Variants in IRF6 observed in about 807,000 individuals in gnomAD.
The protein encoded by IRF6 is interferon regulatory factor 6, also known as Van der Woude syndrome.
Under a neutral mutation model 51.4 loss-of-function variants are expected in IRF6, and 6 were observed. The ratio of observed to expected loss-of-function variants is 0.12; its 90% CI spans 0.06 to 0.23. The LOEUF is 0.23. Among genes scored for constraint, IRF6 ranks in the 10% least tolerant of loss-of-function variants. The pLI is 1.00. For synonymous variants in IRF6, 178 were observed against 215.7 expected, an observed-to-expected ratio of 0.83 and a Z score of 1.53; for missense variants, 348 against 585.2, an observed-to-expected ratio of 0.59 and a Z score of 4.18.
chr1:209,797,078 A>G (rs2077907087), intron 3 of IRF6, among the ~76,000 whole-genome samples: 1 of 152,152 alleles, frequency 6.6e-6, no homozygotes, highest in South Asian at 2.1e-4. Context: ...TAATACATAA[A>G]TAAAGAATTG....
At chr1:209,789,839 A>C in intron 7 of IRF6, 54 bp from the exon 8 acceptor site, 1 of 1,134,684 alleles carries the variant, frequency 8.8e-7, no homozygotes, top group East Asian at 2.3e-5. Flanking sequence ...ACATCCACTC[A>C]ACAAATACCA....
intron 5 of IRF6, chr1:209,792,684 CAT>C (rs1385161867): frequency 2.8e-5 from 15 of 535,598 alleles, no homozygotes; most frequent in Middle Eastern, 5.0e-4. Flanking sequence ...TTAACATAGA[CAT>C]GTGAGTTTTC....
Position 209,796,818 on chromosome 1 carries a change from T to C in IRF6, c.175-266A>G, listed in dbSNP as rs1331283052. Among the ~76,000 whole-genome samples, 1 of 152,174 alleles carries C rather than the reference T, an allele frequency of 6.6e-6. No homozygotes were observed. The highest frequency in any genetic ancestry group is 1.5e-5 in the Non-Finnish European group (1 of 68,030). Reference sequence around the variant, plus strand: ...CACAATATATTAAAAGGAGGAACCTTATCTCAAGCACTGGTACCGGCACTC... The same window carrying C: ...CACAATATATTAAAAGGAGGAACCTCATCTCAAGCACTGGTACCGGCACTC... On this transcript the variant is annotated intron_variant, in intron 3 of 8. Transcript: ENST00000367021. This position sits in a 1 kb window ranked among gnomAD's most constrained non-coding sequence, Gnocchi z 4.5.
In IRF6 at chr1:209,796,844, A is replaced by C. The variant is rs574991602; in HGVS notation, c.175-292T>G. ...ATCTCAAGCACTGGTACCGGCACTC[A>C]TCAAGACGACAATGCTCTAATGAAG... On this transcript the variant is annotated intron_variant, in intron 3 of 8. Transcript: ENST00000367021. The surrounding 1 kb of genome is among the most constrained non-coding windows in gnomAD (Gnocchi z 4.5). Among the ~76,000 whole-genome samples the C allele has an allele frequency of 7.9e-5, 12 of 152,362 alleles. No individual in the cohort carries two copies. The South Asian group carries it at 1.9e-3, about 24-fold the overall frequency.
intron 1 of IRF6, among the ~76,000 whole-genome samples, chr1:209,804,115 AACT>A (rs2077960083): frequency 6.6e-6 from 1 of 152,242 alleles, no homozygotes; most frequent in Non-Finnish European, 1.5e-5. Flanking sequence ...TAATTTAAAA[AACT>A]ACAAGTAATT....
intron 1 of IRF6, among the ~76,000 whole-genome samples, chr1:209,805,213 C>T (rs1311019239): frequency 6.6e-6 from 1 of 152,158 alleles, no homozygotes; most frequent in East Asian, 1.9e-4. Context: ...TGACATCCAC[C>T]AAGAGAACAG....
chr1:209,790,777 G>A lies in IRF6; in HGVS notation c.778C>T (p.Pro260Ser). ...RLFYGDLGPM[P>S]DQEELFGPVS... ...GGACCAAAGAGCTCCTCCTGGTCAGGCATGGGACCCAGGTCCCCATAGAAG... is the reference window on the plus strand; with the variant it reads ...GGACCAAAGAGCTCCTCCTGGTCAGACATGGGACCCAGGTCCCCATAGAAG... The change falls in exon 7 of 9, where the codon CCT (proline) becomes TCT (serine). Residue 260 changes from proline (P) to serine (S), a missense_variant. By Grantham distance (74) the Pro-to-Ser change is moderately conservative. Around this residue, in one of 5 missense-constraint regions of IRF6, gnomAD observed 125 missense variants for 222.0 expected, o/e 0.56. Transcript: ENST00000367021. The surrounding 1 kb of genome is among the most constrained non-coding windows in gnomAD (Gnocchi z 4.8). 6.2e-7 allele frequency: 1 copy of A among 1,614,198 alleles called. No homozygotes were observed. Among genetic ancestry groups the A allele is most frequent in the East Asian group, 2.2e-5 (1 of 44,882 alleles).
Position 209,795,347 on chromosome 1 carries a change from C to G in IRF6, c.451G>C (p.Asp151His). ...ATGGGAACATGGTGCTGCGACTGAT[C>G]CAGCTCATCTTCCTCATCTTCTTCA... ...VDEEDEEDEL[D>H]QSQHHVPIQD... The change falls in exon 5 of 9, where the codon GAT becomes CAT. Residue 151 changes from aspartate (D) to histidine (H), a missense_variant. Asp to His is a moderately conservative substitution (Grantham distance 81, BLOSUM62 -1). Coordinates refer to ENST00000367021, the MANE Select transcript of IRF6 (RefSeq NM_006147.4). 6.2e-7 allele frequency: 1 copy of G among 1,614,198 alleles called. No homozygotes were observed. Among genetic ancestry groups the G allele is most frequent in the Non-Finnish European group, 8.5e-7 (1 of 1,180,030 alleles).
At chr1:209,800,362 C>T (rs2077933155) in intron 3 of IRF6, among the ~76,000 whole-genome samples, 1 of 152,164 alleles carries the variant, frequency 6.6e-6, no homozygotes, top group Non-Finnish European at 1.5e-5. Flanking sequence ...CATATCAGTG[C>T]TATTTCTTAT....
chr1:209,791,300 A>G (rs2077867757), intron 6 of IRF6, among the ~76,000 whole-genome samples: 1 of 152,230 alleles, frequency 6.6e-6, no homozygotes, highest in Admixed American at 6.5e-5. Context: ...AGCAATACCA[A>G]ACAATTTTTC....
intron 6 of IRF6, 192 bp from the exon 7 acceptor site, chr1:209,791,079 G>C (rs1352160022): frequency 9.5e-5 from 93 of 983,052 alleles, no homozygotes; most frequent in Non-Finnish European, 1.1e-4. Flanking sequence ...AAGGCTGCCT[G>C]AAAGCAAACA....
In IRF6 at chr1:209,796,634, AACACACACACACACACAC is replaced by A. The variant is rs3028134; in HGVS notation, c.175-100_175-83del. 67 of 586,884 alleles carry A rather than the reference AACACACACACACACACAC, an allele frequency of 1.1e-4. No individual in the cohort carries two copies. Among genetic ancestry groups the A allele is most frequent in the African/African-American group, 6.8e-4 (33 of 48,792 alleles). The allele number at this position is 586,884 out of a possible 1,614,324, so 36.4% of individuals were successfully genotyped here. ...GTGCTTACCCTTTCTCATAGACACA[AACACACACACACACACAC>A]ACACACACACACACACACACACACA... On this transcript the variant is annotated intron_variant, in intron 3 of 8. Transcript: ENST00000367021. This position sits in a 1 kb window ranked among gnomAD's most constrained non-coding sequence, Gnocchi z 4.5.
rs921393129 is a variant in IRF6, at chr1:209,790,417, G to A, written c.1060+78C>T. The stretch of plus-strand genomic sequence containing the variant: ...CTTTGCCATGCCAGGAAAGCAGGAA[G>A]GTGAAAGACAGGGATAGTGGAAGGA... On this transcript the variant is annotated intron_variant, in intron 7 of 8. Transcript: ENST00000367021. The surrounding 1 kb of genome is among the most constrained non-coding windows in gnomAD (Gnocchi z 4.8). 3 of 1,506,788 alleles carry A rather than the reference G, an allele frequency of 2.0e-6. No individual in the cohort carries two copies. Among genetic ancestry groups the A allele is most frequent in the Non-Finnish European group, 2.8e-6 (3 of 1,084,978 alleles). The allele number at this position is 1,506,788 out of a possible 1,614,324, so 93.3% of individuals were successfully genotyped here.
chr1:209,800,923 G>A (rs2077937008), intron 3 of IRF6, among the ~76,000 whole-genome samples: 1 of 152,166 alleles, frequency 6.6e-6, no homozygotes, highest in African/African-American at 2.4e-5. Context: ...TTATTGAGGA[G>A]GAAGAGTCAA....
At chr1:209,800,898 A>G (rs911511698) in intron 3 of IRF6, among the ~76,000 whole-genome samples, 1 of 152,192 alleles carries the variant, frequency 6.6e-6, no homozygotes, top group Non-Finnish European at 1.5e-5. Context: ...CTCTCTGCAT[A>G]GCAAGAGCTC....
Position 209,796,657 on chromosome 1 carries a change from ACACAC to A in IRF6, c.175-110_175-106del. 1.3e-6 allele frequency: 1 copy of A among 788,142 alleles called. No homozygotes were observed. The highest frequency in any genetic ancestry group is 2.2e-6 in the Non-Finnish European group (1 of 464,676). The allele number at this position is 788,142 out of a possible 1,614,324, so 48.8% of individuals were successfully genotyped here. A position where few individuals can be genotyped will look rare whatever the true frequency, so the allele number is the denominator to read the frequency against. ...CAAACACACACACACACACACACAC[ACACAC>A]ACACACACACACACAACTTTTGCAT... On this transcript the variant is annotated intron_variant, in intron 3 of 8. Coordinates refer to ENST00000367021, the MANE Select transcript of IRF6 (RefSeq NM_006147.4). The surrounding 1 kb of genome is among the most constrained non-coding windows in gnomAD (Gnocchi z 4.5).
intron 6 of IRF6, 89 bp downstream of exon 6, chr1:209,792,180 A>G (rs1433118654): frequency 2.1e-6 from 3 of 1,418,642 alleles, no homozygotes; most frequent in East Asian, 4.6e-5. Flanking sequence ...TTTTCAATAC[A>G]TGGCAAAGAA....
chr1:209,791,157 A>G, intron 6 of IRF6: 1 of 638,256 alleles, frequency 1.6e-6, no homozygotes, highest in Non-Finnish European at 1.9e-6. Flanking sequence ...GCATCAAGTA[A>G]AGTGGTCCTG....
intron 3 of IRF6, among the ~76,000 whole-genome samples, chr1:209,798,908 C>CAAAAAAAAAAAAAAA (rs61182544): frequency 2.0e-5 from 2 of 99,094 alleles, no homozygotes; most frequent in East Asian, 4.0e-4. Flanking sequence ...GACTCTGTCT[C>CAAAAAAAAAAAAAAA]AAAAAAAAAA....
Sources: allele counts gnomAD v4.1 joint callset (sites outside exome capture counted in the v4.1 genomes callset), GRCh38; gene constraint gnomAD v4.1.1; regional missense constraint gnomAD v4.1.1; non-coding constraint Gnocchi (gnomAD v3.1); transcripts MANE v1.5; gene names NCBI Gene and HGNC (gene_info 2026-07-23, HGNC 2026-07-21).